The following GRIN2A variants were observed in gnomAD, a reference collection of about 807,000 sequenced individuals.
GRIN2A encodes glutamate ionotropic receptor NMDA type subunit 2A.
Under a neutral mutation model 113.4 loss-of-function variants are expected in GRIN2A, and 22 were observed. That is an observed-to-expected ratio of 0.19 (90% confidence interval 0.14 to 0.28). The LOEUF is 0.28. GRIN2A is among the 10% of genes least tolerant of loss of function. The pLI is 1.00. For missense variants in GRIN2A, 1,502 were observed against 1,887.0 expected (o/e 0.80, Z 3.78); for synonymous variants, 827 against 738.4 (o/e 1.12, Z -1.94).
intron 7 of GRIN2A, among the ~76,000 whole-genome samples, chr16:9,839,126 T>C (rs2042629877): frequency 6.6e-6 from 1 of 152,200 alleles, no homozygotes; most frequent in Admixed American, 6.5e-5. Flanking sequence ...TAACCTTCCC[T>C]AATTTGGGAC....
intron 2 of GRIN2A, among the ~76,000 whole-genome samples, chr16:10,030,733 A>T (rs1302274489): frequency 6.6e-6 from 1 of 152,160 alleles, no homozygotes; most frequent in East Asian, 1.9e-4. Flanking sequence ...CTCTCTGGCC[A>T]GGAGTCATTA....
intron 2 of GRIN2A, among the ~76,000 whole-genome samples, chr16:10,104,586 G>T (rs1392362622): frequency 6.6e-6 from 1 of 152,186 alleles, no homozygotes; most frequent in African/African-American, 2.4e-5. Context: ...ACGTGGTTAT[G>T]GGAAGGAATG....
chr16:10,083,625 A>T (rs2048027110), intron 2 of GRIN2A, among the ~76,000 whole-genome samples: 1 of 152,068 alleles, frequency 6.6e-6, no homozygotes, highest in Non-Finnish European at 1.5e-5. Flanking sequence ...TTCTCTTTAC[A>T]ATGTTCTTTT....
At chr16:10,086,083 C>G (rs1468529062) in intron 2 of GRIN2A, among the ~76,000 whole-genome samples, 1 of 152,252 alleles carries the variant, frequency 6.6e-6, no homozygotes, top group Admixed American at 6.5e-5. Context: ...GTCCTGCACA[C>G]AGTAGGCACT....
chr16:9,868,348 C>A (rs1051457396), intron 4 of GRIN2A, among the ~76,000 whole-genome samples: 1 of 152,142 alleles, frequency 6.6e-6, no homozygotes, highest in Non-Finnish European at 1.5e-5. Context: ...TTCACTGCAA[C>A]CTCCGCCTCC....
intron 2 of GRIN2A, among the ~76,000 whole-genome samples, chr16:10,051,519 C>A (rs2047359817): frequency 6.6e-6 from 1 of 152,146 alleles, no homozygotes; most frequent in African/African-American, 2.4e-5. Flanking sequence ...TGAGTAGTAA[C>A]TCAAAGTAGT....
intron 2 of GRIN2A, among the ~76,000 whole-genome samples, chr16:10,082,023 T>A (rs571436862): frequency 6.6e-6 from 1 of 152,286 alleles, no homozygotes; most frequent in South Asian, 2.1e-4. Flanking sequence ...AAGCCACTGG[T>A]CTATTTTATC....
At chr16:9,905,810 T>C (rs911504185) in intron 3 of GRIN2A, among the ~76,000 whole-genome samples, 6 of 152,190 alleles carry the variant, frequency 3.9e-5, no homozygotes, top group African/African-American at 1.4e-4. Flanking sequence ...TCCTAGGAAT[T>C]TGAAAGTTGA....
chr16:9,968,148 A>G (rs1415922633), intron 2 of GRIN2A, among the ~76,000 whole-genome samples: 1 of 152,052 alleles, frequency 6.6e-6, no homozygotes, highest in Non-Finnish European at 1.5e-5. Context: ...AAATAGATAC[A>G]AGTTAATCTC....
intron 3 of GRIN2A, among the ~76,000 whole-genome samples, chr16:9,916,251 G>A (rs1470372347): frequency 3.3e-5 from 5 of 152,098 alleles, no homozygotes; most frequent in Non-Finnish European, 5.9e-5. Context: ...CTAATTAGGA[G>A]GGTAATAAAG....
chr16:9,823,632 G>A (rs955204398), intron 9 of GRIN2A, among the ~76,000 whole-genome samples: 1 of 152,154 alleles, frequency 6.6e-6, no homozygotes, highest in Non-Finnish European at 1.5e-5. Context: ...ACTATGCCAA[G>A]AACTTTACAA....
At chr16:9,985,004 A>T (rs1271460302) in intron 2 of GRIN2A, among the ~76,000 whole-genome samples, 1 of 152,166 alleles carries the variant, frequency 6.6e-6, no homozygotes, top group Non-Finnish European at 1.5e-5. Flanking sequence ...TCTCACAGAC[A>T]CACTCACATG....
chr16:10,109,653 GAATGAATAAGACCTACCATTT>G (rs1320532212), intron 2 of GRIN2A, among the ~76,000 whole-genome samples: 7 of 149,914 alleles, frequency 4.7e-5, no homozygotes, highest in Non-Finnish European at 1.0e-4. Flanking sequence ...AAAATAGGAA[GAATGAATAAGACCTACCATTT>G]AATAAATGGC....
At chr16:10,152,219 T>C (rs569174625) in intron 2 of GRIN2A, among the ~76,000 whole-genome samples, 1 of 152,224 alleles carries the variant, frequency 6.6e-6, no homozygotes, top group Non-Finnish European at 1.5e-5. Context: ...CATTTCCATT[T>C]GCTCAAAATT....
chr16:9,988,728 C>T (rs2046036997), intron 2 of GRIN2A, among the ~76,000 whole-genome samples: 1 of 152,116 alleles, frequency 6.6e-6, no homozygotes, highest in African/African-American at 2.4e-5. Context: ...ATAACTTCCC[C>T]AGGTTGAGAT....
chr16:10,005,977 A>C (rs1281115563), intron 2 of GRIN2A, among the ~76,000 whole-genome samples: 2 of 152,216 alleles, frequency 1.3e-5, no homozygotes, highest in Non-Finnish European at 2.9e-5. Flanking sequence ...TTTTTACCTC[A>C]ATATTACAGC....
intron 3 of GRIN2A, among the ~76,000 whole-genome samples, chr16:9,903,384 A>T (rs1452515030): frequency 1.3e-5 from 2 of 152,166 alleles, no homozygotes; most frequent in East Asian, 1.9e-4. Context: ...CAAAGGTCAG[A>T]TCTTCCCTTC....
At chr16:10,173,823 T>C (rs552511862) in intron 2 of GRIN2A, among the ~76,000 whole-genome samples, 5 of 152,144 alleles carry the variant, frequency 3.3e-5, no homozygotes, top group African/African-American at 1.2e-4. Context: ...CAAGAATACA[T>C]AATCAAGTTT....
intron 2 of GRIN2A, among the ~76,000 whole-genome samples, chr16:9,976,801 T>A (rs1378459620): frequency 6.6e-6 from 1 of 152,098 alleles, no homozygotes; most frequent in Non-Finnish European, 1.5e-5. Context: ...TGTAGATATA[T>A]CCCTCCGAGG....
Sources: gnomAD v4.1 joint callset for allele counts (sites outside exome capture counted in the v4.1 genomes callset) on GRCh38, gnomAD v4.1.1 for gene constraint, MANE v1.5 for transcripts, NCBI Gene and HGNC (gene_info 2026-07-23, HGNC 2026-07-21) for gene names.